Variants in FXR2 observed in about 807,000 individuals in gnomAD.
FXR2 encodes FMR1 autosomal homolog 2.
Under a neutral mutation model 87.3 loss-of-function variants are expected in FXR2, and 9 were observed. The ratio of observed to expected loss-of-function variants is 0.10; its 90% CI spans 0.06 to 0.18. The LOEUF (loss-of-function observed/expected upper bound fraction) is 0.18. Among genes scored for constraint, FXR2 ranks in the 10% least tolerant of loss-of-function variants. The pLI is 1.00. For missense variants in FXR2, 661 were observed against 893.6 expected (o/e 0.74, Z 3.32); for synonymous variants, 331 against 328.3 (o/e 1.01, Z -0.09).
chr17:7,613,301 G>A (rs1017501692), intron 1 of FXR2, among the ~76,000 whole-genome samples: 3 of 152,104 alleles, frequency 2.0e-5, no homozygotes, highest in Non-Finnish European at 4.4e-5. Flanking sequence ...CAGAAATCAG[G>A]AGAGTCTCTA....
intron 7 of FXR2, among the ~76,000 whole-genome samples, chr17:7,597,225 G>T (rs2071714500): frequency 6.6e-6 from 1 of 152,202 alleles, no homozygotes; most frequent in South Asian, 2.1e-4. Flanking sequence ...AAAGGTTTTA[G>T]AGGAGTGAAT....
At chr17:7,610,728 T>C (rs1416547924) in intron 1 of FXR2, among the ~76,000 whole-genome samples, 1 of 152,144 alleles carries the variant, frequency 6.6e-6, no homozygotes, top group Non-Finnish European at 1.5e-5. Context: ...TCTACGCTCA[T>C]TGTGAAAATA....
chr17:7,603,573 C>A (rs1278890889), intron 5 of FXR2, among the ~76,000 whole-genome samples, 184 bp downstream of exon 5: 5 of 150,762 alleles, frequency 3.3e-5, no homozygotes, highest in Non-Finnish European at 7.4e-5. Context: ...AGAAGAGGGA[C>A]CACAGTTAAA....
In FXR2 at chr17:7,591,845, C is replaced by G. The variant is rs113959665; in HGVS notation, c.2007G>C (p.Val669=). The G allele has an allele frequency of 6.3e-7, 1 of 1,575,084 alleles. No individual in the cohort carries two copies. The highest frequency in any genetic ancestry group is 8.7e-7 in the Non-Finnish European group (1 of 1,144,640). ...GTTGGAGGTTTTATGAAACCCCATT[C>G]ACCATACTACCCAACTCCAAGGGGG... is the stretch of plus-strand genomic sequence containing the variant. ...LSAPLELGSM[V]NGVS is the part of the protein sequence containing the mutation. The change falls in exon 17 of 17, where the codon GTG becomes GTC. Residue 669 remains valine, a synonymous_variant. Transcript: ENST00000250113. This position sits in a 1 kb window ranked among gnomAD's most constrained non-coding sequence, Gnocchi z 4.0.
chr17:7,604,151 C>T (rs746610993), intron 3 of FXR2, 71 bp from the exon 4 acceptor site: 11 of 1,186,570 alleles, frequency 9.3e-6, no homozygotes, highest in South Asian at 1.3e-5. Flanking sequence ...ATGAGGAGGC[C>T]GGGCATGGTG....
chr17:7,591,916 C>T lies in FXR2; in HGVS notation c.1936G>A (p.Val646Ile). The change falls in exon 17 of 17, where the codon GTC becomes ATC. Residue 646 changes from valine to isoleucine, a missense_variant. Coordinates refer to ENST00000250113, the MANE Select transcript of FXR2 (RefSeq NM_004860.4). This position sits in a 1 kb window ranked among gnomAD's most constrained non-coding sequence, Gnocchi z 4.0. ...DSLSGQKGDS[V>I]SKLPKGPSEN... is the part of the protein sequence containing the mutation. The stretch of plus-strand genomic sequence containing the variant: ...GAGGGGCCCTTAGGAAGCTTGCTGA[C>T]AGAGTCACCCTGAGGGGAAAGTGGG... The T allele has an allele frequency of 6.3e-7, 1 of 1,586,044 alleles. No individual in the cohort carries two copies. The highest frequency in any genetic ancestry group is 8.7e-7 in the Non-Finnish European group (1 of 1,155,180).
chr17:7,613,798 G>C, intron 1 of FXR2: 1 of 341,248 alleles, frequency 2.9e-6, no homozygotes. Context: ...TGAGATCAAG[G>C]TGTGGTGGGG....
Position 7,595,262 on chromosome 17 carries a change from G to A in FXR2, c.832-505C>T, listed in dbSNP as rs1196763711. On this transcript the variant is annotated intron_variant, in intron 8 of 16. Coordinates refer to ENST00000250113, the MANE Select transcript of FXR2 (RefSeq NM_004860.4). This position sits in a 1 kb window ranked among gnomAD's most constrained non-coding sequence, Gnocchi z 4.7. Reference sequence around the variant, plus strand: ...AGGCTAGGAGTTAACAACCAGCTTGGGCAACAGAGATCTGGTCTATTTTTT... The same window carrying A: ...AGGCTAGGAGTTAACAACCAGCTTGAGCAACAGAGATCTGGTCTATTTTTT... 6.6e-6 allele frequency among the ~76,000 whole-genome samples: 1 copy of A among 152,044 alleles called. No individual in the cohort carries two copies. The highest frequency in any genetic ancestry group is 1.5e-5 in the Non-Finnish European group (1 of 68,016).
In FXR2 at chr17:7,610,044, A is replaced by ATACATGTATATG. The variant is rs1567754141; in HGVS notation, c.82-3896_82-3895insCATATACATGTA. Among the ~76,000 whole-genome samples the ATACATGTATATG allele has an allele frequency of 4.1e-4, 32 of 78,990 alleles. 1 individual carries two copies. The highest frequency in any genetic ancestry group is 1.5e-3 in the African/African-American group (15 of 9,716). The allele number at this position is 78,990 out of a possible 152,430, so 51.8% of individuals were successfully genotyped here. ...TGTATATGTATACATGTATGTATATATATACACACACACACACACACATAT... is the reference window on the plus strand; with the variant it reads ...TGTATATGTATACATGTATGTATATATACATGTATATGTATACACACACACACACACACATAT... On this transcript the variant is annotated intron_variant, in intron 1 of 16. Transcript: ENST00000250113.
Position 7,594,960 on chromosome 17 carries a change from TA to T in FXR2, c.832-204del. 6.6e-6 allele frequency among the ~76,000 whole-genome samples: 1 copy of T among 151,826 alleles called. No homozygotes were observed. Among genetic ancestry groups the T allele is most frequent in the Non-Finnish European group, 1.5e-5 (1 of 67,990 alleles). ...TCAAAATACAAAAATACTAAAATAC[TA>T]AAAATACAAAATTGGTGGCTCACGT... On this transcript the variant is annotated intron_variant, in intron 8 of 16. Coordinates refer to ENST00000250113, the MANE Select transcript of FXR2 (RefSeq NM_004860.4). The surrounding 1 kb of genome is among the most constrained non-coding windows in gnomAD (Gnocchi z 5.1).
At chr17:7,610,008 A>ATG (rs551952426) in intron 1 of FXR2, among the ~76,000 whole-genome samples, 3,144 of 75,604 alleles carry the variant, frequency 0.042, 111 homozygotes, top group Middle Eastern at 0.13. Context: ...ATGTATACAT[A>ATG]TATATATACA....
chr17:7,609,994 GTA>G lies in FXR2; in HGVS notation c.82-3847_82-3846del, dbSNP rs1567753995. ...TATATGTATACATATATATATACAT[GTA>G]TATGTATACATATATATATACATGT... On this transcript the variant is annotated intron_variant, in intron 1 of 16. Transcript: ENST00000250113. Among the ~76,000 whole-genome samples, 24 of 136,372 alleles carry G rather than the reference GTA, an allele frequency of 1.8e-4. 2 individuals are homozygous for G. The highest frequency in any genetic ancestry group is 4.6e-4 in the African/African-American group (17 of 37,224). 89.5% of individuals were successfully genotyped at this position (136,372 alleles called of 152,430 possible). A position where few individuals can be genotyped will look rare whatever the true frequency, so the allele number is the denominator to read the frequency against.
rs560006554 is a variant in FXR2 at position 7,600,481 on chromosome 17, C to T, written c.660+928G>A. Among the ~76,000 whole-genome samples the T allele has an allele frequency of 3.9e-5, 6 of 152,338 alleles. No individual in the cohort carries two copies. In the South Asian group the frequency reaches 1.2e-3, roughly 32 times the overall value. On this transcript the variant is annotated intron_variant, in intron 7 of 16. Transcript: ENST00000250113. ...GTGCTGCGATTAAAGGCGTGAGCCA[C>T]CGCGCCCACCCTAAAAAATAAATAT...
intron 7 of FXR2, among the ~76,000 whole-genome samples, chr17:7,598,052 C>G (rs1739407723): frequency 6.6e-6 from 1 of 151,810 alleles, no homozygotes; most frequent in Non-Finnish European, 1.5e-5. Context: ...TCTCTCTCTT[C>G]CTTTAGCACT....
At chr17:7,609,994 GTATATGTATACA>G (rs1567753996) in intron 1 of FXR2, among the ~76,000 whole-genome samples, 1 of 136,372 alleles carries the variant, frequency 7.3e-6, no homozygotes, top group Non-Finnish European at 1.6e-5. Flanking sequence ...ATATATACAT[GTATATGTATACA>G]TATATATATA....
intron 5 of FXR2, 99 bp from the exon 6 acceptor site, chr17:7,603,101 C>T (rs913404256): frequency 1.3e-5 from 8 of 635,548 alleles, no homozygotes; most frequent in Non-Finnish European, 2.3e-5. Context: ...AATCCTAGCA[C>T]TTTGGGAGGC....
Position 7,602,988 on chromosome 17 carries a change from T to C in FXR2, c.464A>G (p.Asn155Ser), listed in dbSNP as rs777500437. 7.6e-6 allele frequency: 12 copies of C among 1,575,774 alleles called. No individual in the cohort carries two copies. The East Asian group carries it at 1.8e-4, about 24-fold the overall frequency. ...EDLREACSNE[N>S]VHKEFKKALG... is the part of the protein sequence containing the mutation. ...GGCTTTCTTGAACTCTTTATGGACGTTTTCATTGGAGCAGCTGCAGAGGAA... is the reference window on the plus strand; with the variant it reads ...GGCTTTCTTGAACTCTTTATGGACGCTTTCATTGGAGCAGCTGCAGAGGAA... Residue 155 changes from asparagine to serine, a missense_variant, in exon 6 of 17, where the codon AAC becomes AGC. Asn to Ser is a conservative substitution (Grantham distance 46). Coordinates refer to ENST00000250113, the MANE Select transcript of FXR2 (RefSeq NM_004860.4).
intron 3 of FXR2, among the ~76,000 whole-genome samples, chr17:7,605,029 G>A (rs751426575): frequency 2.6e-4 from 39 of 151,780 alleles, no homozygotes; most frequent in Non-Finnish European, 4.7e-4. Flanking sequence ...AGCCTGGGAT[G>A]TATCTTAAAC....
chr17:7,603,977 G>T, intron 4 of FXR2, 32 bp downstream of exon 4: 1 of 1,603,686 alleles, frequency 6.2e-7, no homozygotes, highest in Non-Finnish European at 8.5e-7. Flanking sequence ...ATTTGTTTCA[G>T]TAGTTCTCCA....
Sources: gnomAD v4.1 joint callset for allele counts (sites outside exome capture counted in the v4.1 genomes callset) on GRCh38, gnomAD v4.1.1 for gene constraint, Gnocchi (gnomAD v3.1) non-coding constraint, MANE v1.5 for transcripts, NCBI Gene and HGNC (gene_info 2026-07-23, HGNC 2026-07-21) for gene names.